GLI2: variants seen among roughly 807,000 people sequenced by gnomAD.
The protein encoded by GLI2 is GLI family zinc finger 2, also known as transcription activator GLI2.
GLI2 carries 22 observed loss-of-function variants against 78.9 expected under a neutral mutation model. The observed-to-expected ratio is 0.28, with a 90% CI of 0.20 to 0.40. The LOEUF is 0.40. Ranked by LOEUF, GLI2 falls within the 10% of genes least tolerant of loss-of-function variation. The probability of loss-of-function intolerance (pLI) is 1.00; values close to 1 mark genes in which losing one functional copy is unlikely to be tolerated. For synonymous variants in GLI2, 974 were observed against 963.7 expected (o/e 1.01, Z -0.20); for missense variants, 2,097 against 2,213.2 (o/e 0.95, Z 1.05).
Position 120,989,816 on chromosome 2 carries a change from A to G in GLI2, c.3851A>G (p.Glu1284Gly), listed in dbSNP as rs768405449. The part of the protein sequence containing the change: ...DPTTMGNRHR[E>G]LGVPDSALAG... ...ACCACGATGGGCAATCGCCACAGGG[A>G]ACTTGGGGTCCCCGATTCAGCCCTG... Residue 1284 changes from glutamate (E) to glycine (G), a missense_variant, in exon 14 of 14, where the codon GAA (glutamate) becomes GGA (glycine). By Grantham distance (98) the Glu-to-Gly change is moderately conservative (BLOSUM62 -2). Transcript: ENST00000361492. 1 of 1,611,622 alleles carries G rather than the reference A, an allele frequency of 6.2e-7. No individual in the cohort carries two copies. The highest frequency in any genetic ancestry group is 8.5e-7 in the Non-Finnish European group (1 of 1,178,970).
At chr2:120,911,053 G>T (rs1678791112) in intron 2 of GLI2, among the ~76,000 whole-genome samples, 1 of 152,202 alleles carries the variant, frequency 6.6e-6, no homozygotes, top group South Asian at 2.1e-4. Flanking sequence ...TGCCCTGAGG[G>T]GGAGTGGGCA....
intron 2 of GLI2, among the ~76,000 whole-genome samples, chr2:120,810,054 G>T (rs908726525): frequency 6.6e-6 from 1 of 152,218 alleles, no homozygotes; most frequent in South Asian, 2.1e-4. Flanking sequence ...CCCCAGGGGC[G>T]GGGGCCCTGT....
At chr2:120,874,759 C>A (rs1362159400) in intron 2 of GLI2, among the ~76,000 whole-genome samples, 2 of 152,172 alleles carry the variant, frequency 1.3e-5, no homozygotes, top group Admixed American at 1.3e-4. Flanking sequence ...AACAGCCACT[C>A]GCTGTGGCAG....
At chr2:120,927,028 T>G (rs1573614996) in intron 2 of GLI2, among the ~76,000 whole-genome samples, 1 of 152,168 alleles carries the variant, frequency 6.6e-6, no homozygotes, top group South Asian at 2.1e-4. Context: ...GCCGGCGGAG[T>G]TGGAGCCTGT....
intron 2 of GLI2, among the ~76,000 whole-genome samples, chr2:120,852,388 G>A (rs561732126): frequency 6.6e-6 from 1 of 152,304 alleles, no homozygotes; most frequent in African/African-American, 2.4e-5. Context: ...GCCAAAGGAG[G>A]TGCTGAAACA....
At chr2:120,924,897 G>A (rs1437154674) in intron 2 of GLI2, among the ~76,000 whole-genome samples, 1 of 152,260 alleles carries the variant, frequency 6.6e-6, no homozygotes, top group Non-Finnish European at 1.5e-5. Context: ...GTCTCCGGGC[G>A]AAGCGCCTCC....
At chr2:120,892,334 G>T (rs1295842471) in intron 2 of GLI2, among the ~76,000 whole-genome samples, 1 of 152,190 alleles carries the variant, frequency 6.6e-6, no homozygotes, top group African/African-American at 2.4e-5. Flanking sequence ...GTGGTCATTC[G>T]GTGGTTGATG....
chr2:120,923,149 C>T (rs13017860), intron 2 of GLI2, among the ~76,000 whole-genome samples: 1 of 150,698 alleles, frequency 6.6e-6, no homozygotes, highest in South Asian at 2.1e-4. Flanking sequence ...CACACATACA[C>T]ATACACAGCA....
At chr2:120,970,368 CT>C (rs1682081755) in intron 6 of GLI2, 24 bp from the exon 7 acceptor site, 11 of 1,403,528 alleles carry the variant, frequency 7.8e-6, no homozygotes, top group Non-Finnish European at 1.0e-5. Context: ...CCCACCCCCA[CT>C]TCCTTGTCTG....
intron 11 of GLI2, among the ~76,000 whole-genome samples, chr2:120,983,648 C>G (rs1682819410): frequency 6.6e-6 from 1 of 152,216 alleles, no homozygotes; most frequent in Non-Finnish European, 1.5e-5. Flanking sequence ...GGCAGAGCCC[C>G]TATCTGGGCT....
At chr2:120,791,487 G>A (rs1045350228) in intron 1 of GLI2, among the ~76,000 whole-genome samples, 2 of 152,228 alleles carry the variant, frequency 1.3e-5, no homozygotes, top group Admixed American at 1.3e-4. Flanking sequence ...GCTGTCATGA[G>A]GTTAGAATGA....
chr2:120,797,242 G>T lies in GLI2; in HGVS notation c.-30-49G>T, dbSNP rs574837149. ...GTGTGAATCTGGGTCGGCGTTTCCC[G>T]GCTGGGTTTGGGCTCAGTGTTGGTG... On this transcript the variant is annotated intron_variant, in intron 1 of 13. Transcript: ENST00000361492. 96 of 1,477,382 alleles carry T rather than the reference G, an allele frequency of 6.5e-5. No homozygotes were observed. In the African/African-American group the frequency reaches 6.5e-4, roughly 10 times the overall value. 91.5% of individuals were successfully genotyped at this position (1,477,382 alleles called of 1,614,324 possible).
intron 2 of GLI2, among the ~76,000 whole-genome samples, chr2:120,882,550 G>A (rs989305253): frequency 2.6e-5 from 4 of 152,372 alleles, no homozygotes; most frequent in South Asian, 2.1e-4. Context: ...TGGCTGCAAC[G>A]CGAAGCCGAC....
intron 2 of GLI2, among the ~76,000 whole-genome samples, chr2:120,883,886 C>T (rs556404594): frequency 1.4e-4 from 21 of 152,264 alleles, no homozygotes; most frequent in African/African-American, 4.6e-4. Flanking sequence ...CCTATCTCTA[C>T]GGGGGACTCC....
chr2:120,779,988 C>A (rs1683790262), intron 1 of GLI2, among the ~76,000 whole-genome samples: 1 of 152,100 alleles, frequency 6.6e-6, no homozygotes, highest in African/African-American at 2.4e-5. Flanking sequence ...GAAAACAACA[C>A]CCGCATTCTT....
chr2:120,849,461 CATG>C (rs1256036490), intron 2 of GLI2, among the ~76,000 whole-genome samples: 1 of 151,432 alleles, frequency 6.6e-6, no homozygotes, highest in African/African-American at 2.4e-5. Context: ...TGATGATGAT[CATG>C]ATGATGATGA....
rs770175111 is a variant in GLI2, at chr2:120,978,603, C to T, written c.1467+20C>T. ...TGCACGGTGAGTGGCCTTCTCCCCACCCCCGCCGCAGCATCAAGACTGGCC... is the reference window on the plus strand; with the variant it reads ...TGCACGGTGAGTGGCCTTCTCCCCATCCCCGCCGCAGCATCAAGACTGGCC... On this transcript the variant is annotated intron_variant, in intron 10 of 13. Coordinates refer to ENST00000361492, the MANE Select transcript of GLI2 (RefSeq NM_001374353.1). 8.7e-6 allele frequency: 14 copies of T among 1,604,632 alleles called. No homozygotes were observed. The highest frequency in any genetic ancestry group is 5.1e-5 in the Admixed American group (3 of 59,256).
In GLI2 at chr2:120,974,897, A is replaced by G. The variant is rs753089120; in HGVS notation, c.1183-78A>G. On this transcript the variant is annotated intron_variant, in intron 8 of 13. Transcript: ENST00000361492. ...GCCCAGGGTCCTTGGCACAGAATGC[A>G]TGGGACTAACAGCGACCTCTTTTCA... The G allele has an allele frequency of 2.5e-6, 4 of 1,611,206 alleles. No individual in the cohort carries two copies. In the East Asian group the frequency reaches 6.7e-5, roughly 27 times the overall value.
chr2:120,939,608 G>A (rs938091254), intron 3 of GLI2, among the ~76,000 whole-genome samples: 8 of 152,190 alleles, frequency 5.3e-5, no homozygotes, highest in African/African-American at 1.2e-4. Context: ...ACGTTCTTCC[G>A]AAGATTTTCC....
Sources: gnomAD v4.1 joint callset for allele counts (sites outside exome capture counted in the v4.1 genomes callset) on GRCh38, gnomAD v4.1.1 for gene constraint, MANE v1.5 for transcripts, NCBI Gene and HGNC (gene_info 2026-07-23, HGNC 2026-07-21) for gene names.